The following CAMKMT variants were observed in gnomAD, a reference collection of about 807,000 sequenced individuals.
CAMKMT encodes the protein calmodulin-lysine N-methyltransferase, also known as CaM KMT.
In CAMKMT, 53 loss-of-function variants were observed where a neutral mutation model predicts 48.0. The ratio of observed to expected loss-of-function variants is 1.10; its 90% confidence interval spans 0.89 to 1.39. The LOEUF is 1.39. Ranked by LOEUF, CAMKMT falls within the 40% of genes most tolerant of loss-of-function variation. The probability of loss-of-function intolerance (pLI) is 0.00; values close to 1 mark genes in which losing one functional copy is unlikely to be tolerated. For synonymous variants in CAMKMT, 165 were observed against 152.3 expected, an observed-to-expected ratio of 1.08 and a Z score of -0.61; for missense variants, 428 against 402.7, an observed-to-expected ratio of 1.06 and a Z score of -0.54.
At chr2:44,429,095 G>T (rs1684469583) in intron 3 of CAMKMT, among the ~76,000 whole-genome samples, 1 of 152,026 alleles carries the variant, frequency 6.6e-6, no homozygotes, top group Admixed American at 6.6e-5. Flanking sequence ...CTTCTTACAG[G>T]GCTCCTTGAG....
rs2103914390 is a variant in CAMKMT at position 44,616,043 on chromosome 2, C to T, written c.377-88240C>T. 1.3e-5 allele frequency among the ~76,000 whole-genome samples: 2 copies of T among 152,324 alleles called. 1 individual carries two copies. The highest frequency in any genetic ancestry group is 4.1e-4 in the South Asian group (2 of 4,826). On this transcript the variant is annotated intron_variant, in intron 3 of 10. Transcript: ENST00000378494. ...CAGCCAACCGTGCACTTCAAAAACC[C>T]AGAGGTCAGCCTGGACACCTCTTCT...
chr2:44,553,966 G>A (rs1667864420), intron 3 of CAMKMT, among the ~76,000 whole-genome samples: 1 of 152,172 alleles, frequency 6.6e-6, no homozygotes, highest in South Asian at 2.1e-4. Context: ...AAAAGAGGTT[G>A]TAGGCATTAA....
chr2:44,579,594 A>G (rs924056400), intron 3 of CAMKMT, among the ~76,000 whole-genome samples: 10 of 152,236 alleles, frequency 6.6e-5, no homozygotes, highest in Non-Finnish European at 1.3e-4. Flanking sequence ...CACTCGCATT[A>G]CTGCCCACAA....
chr2:44,425,731 C>A (rs1292786828), intron 3 of CAMKMT, among the ~76,000 whole-genome samples: 1 of 143,632 alleles, frequency 7.0e-6, no homozygotes, highest in Non-Finnish European at 1.5e-5. Flanking sequence ...AGTATTCTAT[C>A]TTTTTTTTTT....
chr2:44,593,299 C>A (rs879284665), intron 3 of CAMKMT, among the ~76,000 whole-genome samples: 11 of 152,188 alleles, frequency 7.2e-5, no homozygotes, highest in Non-Finnish European at 1.2e-4. Context: ...TTAATCCTTT[C>A]TGATAGGTCT....
intron 3 of CAMKMT, among the ~76,000 whole-genome samples, chr2:44,430,312 C>T (rs1460990397): frequency 6.6e-6 from 1 of 151,820 alleles, no homozygotes; most frequent in Non-Finnish European, 1.5e-5. Flanking sequence ...AAATTGCAAA[C>T]TGGAGTCAGG....
chr2:44,742,408 G>A (rs1019663185), intron 7 of CAMKMT, among the ~76,000 whole-genome samples: 4 of 152,120 alleles, frequency 2.6e-5, no homozygotes, highest in African/African-American at 9.7e-5. Flanking sequence ...GCCCTCCCAT[G>A]CTCCAAGTCT....
intron 2 of CAMKMT, among the ~76,000 whole-genome samples, chr2:44,385,702 G>A (rs372824356): frequency 1.2e-4 from 19 of 152,122 alleles, no homozygotes; most frequent in South Asian, 6.2e-4. Context: ...GGATTTTGTC[G>A]AATGCTTTTT....
chr2:44,736,370 C>CA (rs1004687742), intron 7 of CAMKMT, among the ~76,000 whole-genome samples: 16 of 151,750 alleles, frequency 1.1e-4, no homozygotes, highest in African/African-American at 1.9e-4. Context: ...ATATTCCTCA[C>CA]AAAAAAAATA....
chr2:44,418,439 TTTG>T (rs141165381), intron 3 of CAMKMT, among the ~76,000 whole-genome samples: 4,587 of 152,190 alleles, frequency 0.03, 203 homozygotes, highest in African/African-American at 0.099. Context: ...TGTTGTTGTT[TTTG>T]TTGTTGTTGT....
At chr2:44,753,990 T>G (rs1680265753) in intron 8 of CAMKMT, 65 bp from the exon 9 acceptor site, 3 of 1,114,750 alleles carry the variant, frequency 2.7e-6, no homozygotes, top group Admixed American at 3.6e-5. Flanking sequence ...TGTACTTATC[T>G]CCATTAGTAT....
chr2:44,383,745 C>A (rs1055126205), intron 2 of CAMKMT, among the ~76,000 whole-genome samples: 1 of 152,096 alleles, frequency 6.6e-6, no homozygotes, highest in African/African-American at 2.4e-5. Flanking sequence ...TTTTCCATTC[C>A]CGAGTTACTT....
chr2:44,694,838 CTT>C (rs1191144250), intron 3 of CAMKMT, among the ~76,000 whole-genome samples: 3 of 152,206 alleles, frequency 2.0e-5, no homozygotes, highest in Non-Finnish European at 4.4e-5. Context: ...GTGTAGTACT[CTT>C]CCTTTTCCAG....
chr2:44,743,694 C>G lies in CAMKMT; in HGVS notation c.696C>G (p.Asp232Glu). The G allele has an allele frequency of 6.2e-7, 1 of 1,609,422 alleles. No homozygotes were observed. The highest frequency in any genetic ancestry group is 8.5e-7 in the Non-Finnish European group (1 of 1,176,546). Residue 232 changes from aspartate to glutamate, a missense_variant and splice_region_variant, in exon 8 of 11, where the codon GAC becomes GAG. Asp to Glu is a conservative substitution (Grantham distance 45). Coordinates refer to ENST00000378494, the MANE Select transcript of CAMKMT (RefSeq NM_024766.5). ...EGHFDIVMCA[D>E]CLFLDQYRAS... ...ATTTTGACATTGTTATGTGTGCTGACTGGTAAGTACATAAAAATCACAAAA... is the reference window on the plus strand; with the variant it reads ...ATTTTGACATTGTTATGTGTGCTGAGTGGTAAGTACATAAAAATCACAAAA...
chr2:44,698,589 A>G (rs974465239), intron 3 of CAMKMT, among the ~76,000 whole-genome samples: 6 of 152,232 alleles, frequency 3.9e-5, no homozygotes, highest in African/African-American at 1.4e-4. Context: ...AAAAATACTA[A>G]TGATTATCTG....
intron 3 of CAMKMT, among the ~76,000 whole-genome samples, chr2:44,501,971 C>T (rs910199478): frequency 6.6e-6 from 1 of 152,142 alleles, no homozygotes; most frequent in Non-Finnish European, 1.5e-5. Flanking sequence ...TAAGGCTTGC[C>T]TCAGGCAAAA....
At chr2:44,506,154 G>C (rs967528082) in intron 3 of CAMKMT, among the ~76,000 whole-genome samples, 1 of 152,108 alleles carries the variant, frequency 6.6e-6, no homozygotes, top group Non-Finnish European at 1.5e-5. Context: ...ACCGCATCCT[G>C]TGAAACTAAA....
chr2:44,491,811 A>G (rs1415678315), intron 3 of CAMKMT, among the ~76,000 whole-genome samples: 1 of 152,202 alleles, frequency 6.6e-6, no homozygotes, highest in Non-Finnish European at 1.5e-5. Flanking sequence ...TAATTGCCTT[A>G]AAGGTATGTT....
At chr2:44,575,108 T>G (rs1346227047) in intron 3 of CAMKMT, among the ~76,000 whole-genome samples, 1 of 151,860 alleles carries the variant, frequency 6.6e-6, no homozygotes. Context: ...AGACAGAGTC[T>G]CACTCTGTCA....
Sources: allele counts gnomAD v4.1 joint callset (sites outside exome capture counted in the v4.1 genomes callset), GRCh38; gene constraint gnomAD v4.1.1; transcripts MANE v1.5; gene names NCBI Gene and HGNC (gene_info 2026-07-23, HGNC 2026-07-21).